Variants in RMND5A observed in about 807,000 individuals in gnomAD.
RMND5A encodes the protein required for meiotic nuclear division 5 homolog A, also known as E3 ubiquitin-protein transferase RMND5A.
A neutral mutation model predicts 49.7 loss-of-function variants in RMND5A; 17 were observed. The ratio of observed to expected loss-of-function variants is 0.34; its 90% CI spans 0.23 to 0.51. The LOEUF is 0.51. RMND5A is among the 20% of genes least tolerant of loss of function. RMND5A has a pLI of 0.96. For synonymous variants in RMND5A, 156 were observed against 167.7 expected (o/e 0.93, Z 0.54); for missense variants, 255 against 471.3 (o/e 0.54, Z 4.25).
At chr2:86,747,474 C>A (rs1170431881) in intron 2 of RMND5A, among the ~76,000 whole-genome samples, 1 of 152,184 alleles carries the variant, frequency 6.6e-6, no homozygotes. Flanking sequence ...GGTCTTCTTA[C>A]TCTGTTAAGT....
At chr2:86,752,751 A>G (rs941456727) in intron 3 of RMND5A, among the ~76,000 whole-genome samples, 3 of 152,240 alleles carry the variant, frequency 2.0e-5, no homozygotes, top group Admixed American at 1.3e-4. Flanking sequence ...CTAAGCCACC[A>G]TGTGCTGTTG....
intron 8 of RMND5A, among the ~76,000 whole-genome samples, chr2:86,772,332 GT>G (rs1429749912): frequency 6.6e-6 from 1 of 152,114 alleles, no homozygotes; most frequent in African/African-American, 2.4e-5. Context: ...GCGGACACCT[GT>G]AGTCCCAGTT....
At chr2:86,761,426 G>A (rs1672487095) in intron 4 of RMND5A, among the ~76,000 whole-genome samples, 1 of 152,180 alleles carries the variant, frequency 6.6e-6, no homozygotes, top group Non-Finnish European at 1.5e-5. Flanking sequence ...AAATACAAAT[G>A]TGGGTTTCTG....
At chr2:86,752,570 G>A (rs1410339297) in intron 3 of RMND5A, among the ~76,000 whole-genome samples, 1 of 152,186 alleles carries the variant, frequency 6.6e-6, no homozygotes, top group Non-Finnish European at 1.5e-5. Context: ...CTTACCTTAA[G>A]CCAAGCCCTG....
At chr2:86,743,994 T>C (rs865907166) in intron 2 of RMND5A, among the ~76,000 whole-genome samples, 14 of 148,318 alleles carry the variant, frequency 9.4e-5, no homozygotes, top group African/African-American at 3.5e-4. Flanking sequence ...AAAAAAAAAA[T>C]ACATACATAC....
intron 4 of RMND5A, among the ~76,000 whole-genome samples, chr2:86,764,218 T>C (rs548584088): frequency 6.6e-6 from 1 of 152,324 alleles, no homozygotes; most frequent in South Asian, 2.1e-4. Flanking sequence ...TAACTGATGG[T>C]CAAATTAAAT....
At chr2:86,758,341 C>A (rs1331909167) in intron 4 of RMND5A, among the ~76,000 whole-genome samples, 1 of 152,076 alleles carries the variant, frequency 6.6e-6, no homozygotes, top group Non-Finnish European at 1.5e-5. Context: ...GAAGTATTTG[C>A]CTATATCAGA....
chr2:86,720,560 C>A lies in RMND5A; in HGVS notation c.-108C>A. 1 of 1,029,070 alleles carries A rather than the reference C, an allele frequency of 9.7e-7. No homozygotes were observed. Among genetic ancestry groups the A allele is most frequent in the Non-Finnish European group, 1.2e-6 (1 of 812,578 alleles). 63.7% of individuals were successfully genotyped at this position (1,029,070 alleles called of 1,614,324 possible). A position where few individuals can be genotyped will look rare whatever the true frequency, so the allele number is the denominator to read the frequency against. On this transcript the variant is annotated 5_prime_UTR_variant, in exon 1 of 9. Coordinates refer to ENST00000283632, the MANE Select transcript of RMND5A (RefSeq NM_022780.4). ...CGCCGCCTCGGCCGCCTCAGCCTCC[C>A]GCGCCGCCCGCTTGGGGAACGAGGA...
chr2:86,767,109 G>A (rs1032246794), intron 6 of RMND5A, among the ~76,000 whole-genome samples: 1 of 152,036 alleles, frequency 6.6e-6, no homozygotes, highest in African/African-American at 2.4e-5. Flanking sequence ...CTGTCCCCTG[G>A]CTGGAGTGTA....
intron 4 of RMND5A, among the ~76,000 whole-genome samples, chr2:86,757,207 A>AAAAAAT (rs70958905): frequency 1.4e-5 from 2 of 144,576 alleles, no homozygotes; most frequent in Admixed American, 7.0e-5. Flanking sequence ...AAAAAAAAAA[A>AAAAAAT]GTGGAGGTGG....
intron 6 of RMND5A, among the ~76,000 whole-genome samples, chr2:86,769,678 G>GT (rs540877612): frequency 0.053 from 7,721 of 145,762 alleles, 559 homozygotes; most frequent in African/African-American, 0.17. Flanking sequence ...TAGCAGATGA[G>GT]TTTTTTTTTT....
intron 1 of RMND5A, among the ~76,000 whole-genome samples, chr2:86,721,894 A>G (rs1681233325): frequency 7.6e-6 from 1 of 130,996 alleles, no homozygotes; most frequent in South Asian, 2.6e-4. Context: ...ATTTTTTCAC[A>G]CTTTCCCAGA....
At chr2:86,748,146 A>G (rs1055628345) in intron 2 of RMND5A, 13 of 152,240 alleles carry the variant, frequency 8.5e-5, no homozygotes, top group African/African-American at 2.9e-4. Context: ...TTTTCTGGAC[A>G]GCCATGCAAA....
intron 4 of RMND5A, among the ~76,000 whole-genome samples, chr2:86,761,591 T>TG (rs1181826968): frequency 6.6e-6 from 1 of 152,182 alleles, no homozygotes; most frequent in Non-Finnish European, 1.5e-5. Context: ...GGGAGAAGCT[T>TG]GGAAGTCCCT....
chr2:86,746,859 G>A (rs1287070209), intron 2 of RMND5A, among the ~76,000 whole-genome samples: 1 of 152,216 alleles, frequency 6.6e-6, no homozygotes, highest in East Asian at 1.9e-4. Flanking sequence ...ACATAACAGT[G>A]TGAATCTACC....
At chr2:86,721,281 C>A (rs145869806) in intron 1 of RMND5A, among the ~76,000 whole-genome samples, 1,834 of 151,000 alleles carry the variant, frequency 0.012, 47 homozygotes, top group African/African-American at 0.043. Flanking sequence ...GCCCCGAATC[C>A]TTGGCCAGGG....
chr2:86,753,865 G>A (rs1681683671), intron 4 of RMND5A, among the ~76,000 whole-genome samples: 1 of 152,174 alleles, frequency 6.6e-6, no homozygotes, highest in Non-Finnish European at 1.5e-5. Context: ...CTATTGTTCA[G>A]CCAGTGCAAG....
At chr2:86,757,267 G>A (rs577878360) in intron 4 of RMND5A, among the ~76,000 whole-genome samples, 1 of 151,408 alleles carries the variant, frequency 6.6e-6, no homozygotes, top group African/African-American at 2.4e-5. Context: ...GGAGAGAAGT[G>A]GCAGAACAAC....
rs372034561 is a variant in RMND5A at position 86,773,453 on chromosome 2, G to A, written c.*42G>A. The A allele has an allele frequency of 3.9e-5, 49 of 1,261,868 alleles. No homozygotes were observed. The highest frequency in any genetic ancestry group is 1.8e-4 in the Middle Eastern group (1 of 5,426). The allele number at this position is 1,261,868 out of a possible 1,614,324, so 78.2% of individuals were successfully genotyped here. ...TGCAATTTGTAAGTGAAACTGAATCGTGGGTGCATTTCAGAAGAGAACGTT... is the reference window on the plus strand; with the variant it reads ...TGCAATTTGTAAGTGAAACTGAATCATGGGTGCATTTCAGAAGAGAACGTT... On this transcript the variant is annotated 3_prime_UTR_variant, in exon 9 of 9. Transcript: ENST00000283632.
Sources: allele counts gnomAD v4.1 joint callset (sites outside exome capture counted in the v4.1 genomes callset), GRCh38; gene constraint gnomAD v4.1.1; transcripts MANE v1.5; gene names NCBI Gene and HGNC (gene_info 2026-07-23, HGNC 2026-07-21).